Variants in AGTPBP1 observed in about 807,000 individuals in gnomAD.
AGTPBP1 encodes the protein cytosolic carboxypeptidase 1.
AGTPBP1 carries 70 observed loss-of-function variants against 143.9 expected under a neutral mutation model. The ratio of observed to expected loss-of-function variants is 0.49; its 90% CI spans 0.40 to 0.59. AGTPBP1 has a LOEUF of 0.59. AGTPBP1 is among the 20% of genes least tolerant of loss of function. The pLI is 0.00. For synonymous variants in AGTPBP1, 463 were observed against 500.2 expected, an observed-to-expected ratio of 0.93 and a Z score of 0.99; for missense variants, 1,229 against 1,464.5, an observed-to-expected ratio of 0.84 and a Z score of 2.62.
the AGTPBP1 span, chr9:85,764,680 G>A: frequency 1.5e-5 from 13 of 846,410 alleles, no homozygotes; most frequent in East Asian, 2.2e-4. Context: ...AACTGTTTTC[G>A]GGGTGTCTGG....
At chr9:85,731,424 T>C (rs1838871361) in intron 1 of AGTPBP1, among the ~76,000 whole-genome samples, 1 of 152,098 alleles carries the variant, frequency 6.6e-6, no homozygotes, top group African/African-American at 2.4e-5. Context: ...GGGTTTTTTT[T>C]TTCGGGGAGG....
At chr9:85,771,904 C>T in the AGTPBP1 span, among the ~76,000 whole-genome samples, 4 of 152,048 alleles carry the variant, frequency 2.6e-5, no homozygotes, top group Non-Finnish European at 4.4e-5. Context: ...CATGATCCGC[C>T]CGCCTCGGCC....
the AGTPBP1 span, among the ~76,000 whole-genome samples, chr9:85,767,564 T>C: frequency 9.9e-5 from 15 of 152,154 alleles, no homozygotes; most frequent in Admixed American, 8.5e-4. Context: ...GCCAAGATGG[T>C]CTCGATCTCC....
chr9:85,764,820 T>C, the AGTPBP1 span: 3 of 1,341,672 alleles, frequency 2.2e-6, no homozygotes, highest in African/African-American at 1.4e-5. Context: ...AAAACAAAGA[T>C]TTCAGAGCAA....
chr9:85,771,683 C>T, the AGTPBP1 span, among the ~76,000 whole-genome samples: 1 of 147,586 alleles, frequency 6.8e-6, no homozygotes, highest in African/African-American at 2.5e-5. Flanking sequence ...GACAGAGTCT[C>T]GCTCTGTGGC....
chr9:85,600,071 T>G (rs1829566968), intron 17 of AGTPBP1, among the ~76,000 whole-genome samples: 1 of 152,206 alleles, frequency 6.6e-6, no homozygotes, highest in Non-Finnish European at 1.5e-5. Context: ...GTGTTAGCAC[T>G]TGAACAAGGC....
At chr9:85,745,743 A>G (rs1201954644), upstream of AGTPBP1, among the ~76,000 whole-genome samples, 1 of 152,214 alleles carries the variant, frequency 6.6e-6, no homozygotes, top group East Asian at 1.9e-4. Flanking sequence ...CATGCCTGTA[A>G]TCCCAGCATT....
At chr9:85,798,035 G>A in the AGTPBP1 span, among the ~76,000 whole-genome samples, 3 of 151,958 alleles carry the variant, frequency 2.0e-5, no homozygotes, top group African/African-American at 7.3e-5. Flanking sequence ...TGGGAATACA[G>A]GCATGTGCCA....
At chr9:85,574,189 T>G (rs1256829980) in intron 25 of AGTPBP1, among the ~76,000 whole-genome samples, 2 of 152,102 alleles carry the variant, frequency 1.3e-5, no homozygotes, top group Non-Finnish European at 2.9e-5. Context: ...CTGTGCTCTC[T>G]GAAACATGTG....
intron 25 of AGTPBP1, among the ~76,000 whole-genome samples, chr9:85,557,883 A>T (rs1826452384): frequency 6.6e-6 from 1 of 152,226 alleles, no homozygotes; most frequent in Non-Finnish European, 1.5e-5. Context: ...TTTTACCAAT[A>T]TCTACCACTC....
intron 11 of AGTPBP1, among the ~76,000 whole-genome samples, chr9:85,654,489 T>C (rs1188255279): frequency 6.6e-6 from 1 of 152,172 alleles, no homozygotes; most frequent in African/African-American, 2.4e-5. Flanking sequence ...AAGCTACAAA[T>C]GTAAACCCGA....
At chr9:85,714,273 T>C (rs1030756083) in intron 1 of AGTPBP1, among the ~76,000 whole-genome samples, 5 of 152,170 alleles carry the variant, frequency 3.3e-5, no homozygotes, top group African/African-American at 7.2e-5. Flanking sequence ...AGAGGGTCCA[T>C]AGGTGGGAAG....
At chr9:85,633,517 TAA>T in intron 13 of AGTPBP1, 143 bp from the exon 14 acceptor site, 1 of 588,698 alleles carries the variant, frequency 1.7e-6, no homozygotes, top group African/African-American at 1.9e-5. Flanking sequence ...TTCATTTCAC[TAA>T]AAAGACAAAA....
At position 85,677,369 on chromosome 9, in the gene AGTPBP1, A is replaced by C. The variant is rs1834894347; in HGVS notation, c.436+67T>G. The C allele has an allele frequency of 6.3e-6, 9 of 1,424,686 alleles. No homozygotes were observed. The Admixed American group carries it at 2.0e-4, about 31-fold the overall frequency. The allele number at this position is 1,424,686 out of a possible 1,614,324, so 88.3% of individuals were successfully genotyped here. On this transcript the variant is annotated intron_variant, in intron 6 of 25. Coordinates refer to ENST00000357081, the MANE Select transcript of AGTPBP1 (RefSeq NM_001330701.2). ...ACATTTTTAAAAACTGAGTAGTTAC[A>C]AGGTGAGAGAATCACTGTTACAAAA...
In AGTPBP1 at chr9:85,713,475, G is replaced by A. The variant is rs148350975; in HGVS notation, c.-33-909C>T. ...GAACCCGGGAGGTGGAGGTTGCAGT[G>A]AGCCAAGATCGTACCATTGTACTCC... On this transcript the variant is annotated intron_variant, in intron 1 of 25. Coordinates refer to ENST00000357081, the MANE Select transcript of AGTPBP1 (RefSeq NM_001330701.2). Among the ~76,000 whole-genome samples the A allele has an allele frequency of 6.8e-3, 1,041 of 152,280 alleles. 9 individuals carry two copies. The highest frequency in any genetic ancestry group is 0.019 in the South Asian group (91 of 4,826).
At position 85,657,438 on chromosome 9, in the gene AGTPBP1, C is replaced by T. The variant is rs375719383; in HGVS notation, c.906G>A (p.Ser302=). 13 of 1,606,698 alleles carry T rather than the reference C, an allele frequency of 8.1e-6. No individual in the cohort carries two copies. The highest frequency in any genetic ancestry group is 1.7e-4 in the Middle Eastern group (1 of 5,960). The change falls in exon 10 of 26, where the codon TCG becomes TCA. Residue 302 remains serine, a synonymous_variant. Transcript: ENST00000357081. ...ANGMKILYNT[S]QECLAVRTLD... Reference sequence around the variant, plus strand: ...TAATAAGAAGAAAATAACTCACTTGCGAAGTATTATACAGAATTTTCATCC... The same window carrying T: ...TAATAAGAAGAAAATAACTCACTTGTGAAGTATTATACAGAATTTTCATCC...
At chr9:85,783,135 C>G in the AGTPBP1 span, among the ~76,000 whole-genome samples, 1 of 152,120 alleles carries the variant, frequency 6.6e-6, no homozygotes, top group Non-Finnish European at 1.5e-5. Flanking sequence ...CATCCTGGCT[C>G]TTTAACCAAA....
chr9:85,762,031 C>T, the AGTPBP1 span, among the ~76,000 whole-genome samples: 1 of 152,206 alleles, frequency 6.6e-6, no homozygotes, highest in African/African-American at 2.4e-5. Flanking sequence ...TGCTCATCAT[C>T]ACTGGTCGTC....
At chr9:85,690,381 C>A (rs1270165480) in intron 3 of AGTPBP1, among the ~76,000 whole-genome samples, 3 of 152,172 alleles carry the variant, frequency 2.0e-5, no homozygotes. Context: ...TATTATACAC[C>A]CCAAGGGACA....
Sources: gnomAD v4.1 joint callset for allele counts (sites outside exome capture counted in the v4.1 genomes callset) on GRCh38, gnomAD v4.1.1 for gene constraint, MANE v1.5 for transcripts, NCBI Gene and HGNC (gene_info 2026-07-23, HGNC 2026-07-21) for gene names.